MGAT4C: variants seen among roughly 807,000 people sequenced by gnomAD.
MGAT4C encodes the protein alpha-1,3-mannosyl-glycoprotein 4-beta-N-acetylglucosaminyltransferase C.
A neutral mutation model predicts 40.1 loss-of-function variants in MGAT4C; 19 were observed. The observed-to-expected ratio is 0.47, with a 90% confidence interval of 0.33 to 0.70. The LOEUF (loss-of-function observed/expected upper bound fraction) is 0.70. Among genes scored for constraint, MGAT4C ranks in the 30% least tolerant of loss-of-function variants. The probability of loss-of-function intolerance (pLI) is 0.02; values close to 1 mark genes in which losing one functional copy is unlikely to be tolerated. For missense variants in MGAT4C, 491 were observed against 563.2 expected (o/e 0.87, Z 1.30); for synonymous variants, 181 against 187.1 (o/e 0.97, Z 0.27).
intron 3 of MGAT4C, among the ~76,000 whole-genome samples, chr12:86,371,257 A>C (rs1955709644): frequency 6.6e-6 from 1 of 151,910 alleles, no homozygotes; most frequent in East Asian, 1.9e-4. Flanking sequence ...GAAAGCTTTA[A>C]CTCAGTCATT....
chr12:86,717,027 A>G (rs969295273), intron 2 of MGAT4C, among the ~76,000 whole-genome samples: 24 of 152,112 alleles, frequency 1.6e-4, no homozygotes, highest in Non-Finnish European at 3.5e-4. Context: ...ATGGTTTCTC[A>G]TGGTTTGTGA....
At chr12:86,159,614 T>G (rs911818208) in intron 1 of MGAT4C, among the ~76,000 whole-genome samples, 1 of 151,994 alleles carries the variant, frequency 6.6e-6, no homozygotes, top group African/African-American at 2.4e-5. Flanking sequence ...TTTTTTTTCT[T>G]TTTATACATC....
chr12:86,263,341 C>T (rs1195806591), intron 4 of MGAT4C, among the ~76,000 whole-genome samples: 1 of 152,042 alleles, frequency 6.6e-6, no homozygotes, highest in Non-Finnish European at 1.5e-5. Context: ...ATCCTGTCAC[C>T]CTTCTGAGTC....
upstream of MGAT4C, among the ~76,000 whole-genome samples, chr12:86,258,042 T>C (rs955967942): frequency 1.9e-4 from 29 of 152,218 alleles, no homozygotes; most frequent in African/African-American, 6.5e-4. Context: ...ATCGTTGTTA[T>C]GAAAACAATC....
chr12:86,337,857 G>T (rs1954822786), intron 3 of MGAT4C, among the ~76,000 whole-genome samples: 1 of 152,112 alleles, frequency 6.6e-6, no homozygotes, highest in African/African-American at 2.4e-5. Context: ...TTTGGATGAT[G>T]AACTATGTTG....
intron 1 of MGAT4C, among the ~76,000 whole-genome samples, chr12:86,808,971 A>T (rs1216269641): frequency 6.6e-6 from 1 of 152,076 alleles, no homozygotes; most frequent in African/African-American, 2.4e-5. Flanking sequence ...AGTCACAAGC[A>T]TTCCAATACA....
At chr12:86,176,035 T>C (rs1239909599) in intron 1 of MGAT4C, among the ~76,000 whole-genome samples, 2 of 152,140 alleles carry the variant, frequency 1.3e-5, no homozygotes, top group African/African-American at 4.8e-5. Flanking sequence ...TGCAGTAGTT[T>C]TGGGTGAACC....
chr12:86,097,374 A>G (rs539063925), intron 1 of MGAT4C, among the ~76,000 whole-genome samples: 5 of 151,844 alleles, frequency 3.3e-5, no homozygotes, highest in African/African-American at 1.2e-4. Context: ...CATTGACTTT[A>G]GAATAACAAT....
At chr12:86,605,758 T>G (rs1221492361) in intron 2 of MGAT4C, among the ~76,000 whole-genome samples, 2 of 152,114 alleles carry the variant, frequency 1.3e-5, no homozygotes, top group Non-Finnish European at 2.9e-5. Context: ...GGTATTAACA[T>G]AGAGAATCAA....
chr12:86,671,673 C>T (rs1964259971), intron 2 of MGAT4C, among the ~76,000 whole-genome samples: 1 of 152,026 alleles, frequency 6.6e-6, no homozygotes, highest in Non-Finnish European at 1.5e-5. Flanking sequence ...GACAAAACAC[C>T]TTTCATGACA....
intron 2 of MGAT4C, among the ~76,000 whole-genome samples, chr12:86,014,315 G>A (rs188036528): frequency 4.7e-4 from 71 of 152,276 alleles, no homozygotes; most frequent in African/African-American, 1.7e-3. Flanking sequence ...TGGGAAACTA[G>A]TTTTGGACGT....
Position 85,979,402 on chromosome 12 carries a change from T to G in MGAT4C, c.1324A>C (p.Met442Leu). ...GGAATTTTTTGATTTACACCTGACATTTCAAAGTTTCCATTTTTGAATTCT... is the reference window on the plus strand; with the variant it reads ...GGAATTTTTTGATTTACACCTGACAGTTCAAAGTTTCCATTTTTGAATTCT... ...LGEFKNGNFEMSGVNQKIPFD... is the reference protein window; with the variant it reads ...LGEFKNGNFELSGVNQKIPFD... Residue 442 changes from methionine to leucine, a missense_variant, in exon 5 of 5, where the codon ATG (methionine) becomes CTG (leucine). Physicochemically the swap from Met to Leu is conservative, Grantham distance 15. Coordinates refer to ENST00000611864, the MANE Select transcript of MGAT4C (RefSeq NM_001351288.2). The G allele has an allele frequency of 6.2e-7, 1 of 1,613,180 alleles. No homozygotes were observed. The highest frequency in any genetic ancestry group is 1.1e-5 in the South Asian group (1 of 91,054).
intron 1 of MGAT4C, among the ~76,000 whole-genome samples, chr12:86,193,829 A>G (rs548439613): frequency 6.6e-6 from 1 of 152,090 alleles, no homozygotes; most frequent in South Asian, 2.1e-4. Context: ...ATTTGTATAT[A>G]TTCTGCTTTA....
chr12:86,516,561 AT>A (rs571077377), intron 2 of MGAT4C, among the ~76,000 whole-genome samples: 2,979 of 152,054 alleles, frequency 0.02, 42 homozygotes, highest in Middle Eastern at 0.038. Context: ...GATTTAAGCA[AT>A]TTTTTTTCTA....
intron 2 of MGAT4C, among the ~76,000 whole-genome samples, chr12:86,658,972 G>A (rs1963915587): frequency 6.6e-6 from 1 of 151,992 alleles, no homozygotes; most frequent in South Asian, 2.1e-4. Flanking sequence ...GAACACCAGA[G>A]GGAAGACAAC....
intron 1 of MGAT4C, among the ~76,000 whole-genome samples, chr12:86,217,137 G>A (rs1018106604): frequency 1.1e-4 from 16 of 152,160 alleles, no homozygotes; most frequent in African/African-American, 3.6e-4. Context: ...AAAGGACAGT[G>A]ATCAAAATGT....
chr12:86,530,740 A>G (rs1384465541), intron 2 of MGAT4C, among the ~76,000 whole-genome samples: 3 of 152,012 alleles, frequency 2.0e-5, no homozygotes, highest in African/African-American at 4.8e-5. Flanking sequence ...CTATTTCTCA[A>G]TCAAGAATGC....
intron 1 of MGAT4C, among the ~76,000 whole-genome samples, chr12:86,239,756 T>C (rs1180342069): frequency 2.0e-5 from 3 of 151,846 alleles, no homozygotes; most frequent in Non-Finnish European, 4.4e-5. Context: ...ATAATGGCAT[T>C]TTTAATGCTT....
intron 1 of MGAT4C, among the ~76,000 whole-genome samples, chr12:86,823,711 G>C (rs964195305): frequency 3.3e-5 from 5 of 150,850 alleles, no homozygotes; most frequent in Non-Finnish European, 7.4e-5. Flanking sequence ...AAAAAGAGAA[G>C]CAAAAAATAG....
Sources: gnomAD v4.1 joint callset for allele counts (sites outside exome capture counted in the v4.1 genomes callset) on GRCh38, gnomAD v4.1.1 for gene constraint, MANE v1.5 for transcripts, NCBI Gene and HGNC (gene_info 2026-07-23, HGNC 2026-07-21) for gene names.